Variants in GLYAT observed in about 807,000 individuals in gnomAD.
GLYAT encodes glycine N-acyltransferase.
Under a neutral mutation model 22.8 loss-of-function variants are expected in GLYAT, and 25 were observed. That is an observed-to-expected ratio of 1.09 (90% CI 0.80 to 1.53). GLYAT has a LOEUF of 1.53. Among genes scored for constraint, GLYAT ranks in the 40% most tolerant of loss-of-function variants. The pLI is 0.00. For missense variants in GLYAT, 411 were observed against 353.9 expected, an observed-to-expected ratio of 1.16 and a Z score of -1.29; for synonymous variants, 140 against 122.7, an observed-to-expected ratio of 1.14 and a Z score of -0.93.
intron 2 of GLYAT, among the ~76,000 whole-genome samples, chr11:58,716,448 C>T (rs1938696): frequency 5.9e-5 from 9 of 151,844 alleles, no homozygotes; most frequent in Admixed American, 1.3e-4. Context: ...AACTCTAAAT[C>T]GACTAAGTCT....
intron 1 of GLYAT, among the ~76,000 whole-genome samples, chr11:58,727,737 G>T (rs1323462959): frequency 6.6e-6 from 1 of 152,126 alleles, no homozygotes; most frequent in Non-Finnish European, 1.5e-5. Context: ...AGACAAAAAG[G>T]TGAAGTTTAA....
chr11:58,724,638 C>A, intron 1 of GLYAT, 127 bp from the exon 2 acceptor site: 1 of 427,370 alleles, frequency 2.3e-6, no homozygotes, highest in Non-Finnish European at 4.2e-6. Context: ...CAGTCCTCAG[C>A]AAATCCAAGA....
chr11:58,710,465 A>T, intron 5 of GLYAT, 125 bp downstream of exon 5: 2 of 843,916 alleles, frequency 2.4e-6, no homozygotes, highest in South Asian at 1.6e-5. Flanking sequence ...TACATTTTTT[A>T]AAAATGTAAT....
intron 2 of GLYAT, among the ~76,000 whole-genome samples, chr11:58,719,780 T>A (rs1856726565): frequency 6.6e-6 from 1 of 152,060 alleles, no homozygotes; most frequent in South Asian, 2.1e-4. Context: ...TTTAAAAGCA[T>A]ATACAGGAAG....
At chr11:58,727,707 G>A (rs899967305) in intron 1 of GLYAT, among the ~76,000 whole-genome samples, 10 of 152,132 alleles carry the variant, frequency 6.6e-5, no homozygotes, top group Non-Finnish European at 1.2e-4. Context: ...GGGCAAGTGG[G>A]CTCAAGCATG....
At chr11:58,711,015 C>A (rs1312504285) in intron 4 of GLYAT, among the ~76,000 whole-genome samples, 1 of 152,158 alleles carries the variant, frequency 6.6e-6, no homozygotes, top group East Asian at 1.9e-4. Flanking sequence ...CCTGTGCTAG[C>A]ATTCTTAGAT....
At chr11:58,728,547 C>T (rs1243194944) in intron 1 of GLYAT, 1 of 152,006 alleles carries the variant, frequency 6.6e-6, no homozygotes, top group Non-Finnish European at 1.5e-5. Context: ...TTTACCTTTC[C>T]ACCTAAAACA....
chr11:58,728,364 G>T (rs1170625556), intron 1 of GLYAT, among the ~76,000 whole-genome samples: 1 of 151,890 alleles, frequency 6.6e-6, no homozygotes, highest in African/African-American at 2.4e-5. Context: ...CCTGGCTAAA[G>T]CTTTTTAAAA....
intron 2 of GLYAT, among the ~76,000 whole-genome samples, chr11:58,720,546 A>C (rs1226009216): frequency 6.6e-6 from 1 of 152,002 alleles, no homozygotes; most frequent in Non-Finnish European, 1.5e-5. Flanking sequence ...CTTTGGGAGG[A>C]ACTTGGTTTA....
At chr11:58,724,152 T>C (rs1856785305) in intron 2 of GLYAT, 1 of 336,218 alleles carries the variant, frequency 3.0e-6, no homozygotes, top group African/African-American at 2.1e-5. Context: ...GTGTTTAGAC[T>C]AAGGCATAAC....
In GLYAT at chr11:58,709,921, C is replaced by T; in HGVS notation, c.736G>A (p.Val246Ile). 1 of 1,614,098 alleles carries T rather than the reference C, an allele frequency of 6.2e-7. No homozygotes were observed. Among genetic ancestry groups the T allele is most frequent in the African/African-American group, 1.3e-5 (1 of 75,060 alleles). ...EYRLHGLVTY[V>I]IYSHAQKLGK... ...AATTTCTGGGCGTGGGAATAGATGA[C>T]ATACGTCACAAGGCCATGGAGCCGG... Residue 246 changes from valine (V) to isoleucine (I), a missense_variant, in exon 6 of 6, where the codon GTC becomes ATC. Transcript: ENST00000344743.
At chr11:58,729,131 T>C (rs770030148) in intron 1 of GLYAT, among the ~76,000 whole-genome samples, 1 of 152,182 alleles carries the variant, frequency 6.6e-6, no homozygotes, top group African/African-American at 2.4e-5. Flanking sequence ...CCATCCACCA[T>C]GTAAGACCAC....
rs777402032 is a variant in GLYAT, at chr11:58,714,262, C to A, written c.189+1054G>T. On this transcript the variant is annotated intron_variant, in intron 3 of 5. Coordinates refer to ENST00000344743, the MANE Select transcript of GLYAT (RefSeq NM_201648.3). ...AGTTCAAGAGACATATTGTACAACT[C>A]GGTGACTATAGTTAATAACAATGTA... 9.9e-5 allele frequency among the ~76,000 whole-genome samples: 15 copies of A among 152,128 alleles called. No homozygotes were observed. In the East Asian group the frequency reaches 2.9e-3, roughly 29 times the overall value.
chr11:58,717,982 C>G (rs1464538789), intron 2 of GLYAT, among the ~76,000 whole-genome samples: 1 of 151,944 alleles, frequency 6.6e-6, no homozygotes, highest in Non-Finnish European at 1.5e-5. Flanking sequence ...CATGTTAAAT[C>G]TGGGGCTTCT....
intron 2 of GLYAT, 78 bp from the exon 3 acceptor site, chr11:58,715,501 A>G: frequency 1.5e-6 from 1 of 686,904 alleles, no homozygotes; most frequent in Non-Finnish European, 2.6e-6. Context: ...TAGGACAAAA[A>G]TTATTTCTAT....
intron 1 of GLYAT, among the ~76,000 whole-genome samples, chr11:58,724,957 G>T (rs1213660274): frequency 6.6e-6 from 1 of 151,998 alleles, no homozygotes; most frequent in Non-Finnish European, 1.5e-5. Flanking sequence ...CCTGCAATGT[G>T]CTTAGTAGAT....
chr11:58,729,032 A>G (rs1473894426), intron 1 of GLYAT, among the ~76,000 whole-genome samples: 4 of 152,090 alleles, frequency 2.6e-5, no homozygotes, highest in African/African-American at 9.7e-5. Context: ...CTGAGCATAT[A>G]TAAAAAGAAA....
chr11:58,715,410 A>G lies in GLYAT; in HGVS notation c.95T>C (p.Val32Ala), dbSNP rs1174459885. The change falls in exon 3 of 6, where the codon GTC becomes GCC. Residue 32 changes from valine (V) to alanine (A), a missense_variant. Physicochemically the swap from Val to Ala is moderately conservative, Grantham distance 64. Transcript: ENST00000344743. ...TGGATTTCCATGGTTTATGTGAAAG[A>G]CAGTTCCATAAACCTGCAGGATCCC... ...LPASLKVYGT[V>A]FHINHGNPFN... The G allele has an allele frequency of 6.5e-7, 1 of 1,549,160 alleles. No homozygotes were observed. The highest frequency in any genetic ancestry group is 1.1e-5 in the South Asian group (1 of 89,338).
intron 2 of GLYAT, among the ~76,000 whole-genome samples, chr11:58,717,183 G>A (rs11229596): frequency 0.18 from 27,927 of 151,986 alleles, 2,720 homozygotes; most frequent in East Asian, 0.27. Flanking sequence ...ATCTTTTGGA[G>A]AAAGCATTTA....
Sources: gnomAD v4.1 joint callset for allele counts (sites outside exome capture counted in the v4.1 genomes callset) on GRCh38, gnomAD v4.1.1 for gene constraint, MANE v1.5 for transcripts, NCBI Gene and HGNC (gene_info 2026-07-23, HGNC 2026-07-21) for gene names.